The following CAMK2G variants were observed in gnomAD, a reference collection of about 807,000 sequenced individuals.
The protein encoded by CAMK2G is calcium/calmodulin-dependent protein kinase type II subunit gamma.
CAMK2G carries 23 observed loss-of-function variants against 88.7 expected under a neutral mutation model. That is an observed-to-expected ratio of 0.26 (90% CI 0.19 to 0.37). The LOEUF (loss-of-function observed/expected upper bound fraction) is 0.37, where lower values mean the gene tolerates loss of function less well. Ranked by LOEUF, CAMK2G falls within the 10% of genes least tolerant of loss-of-function variation. The pLI is 1.00. For synonymous variants in CAMK2G, 263 were observed against 294.8 expected (o/e 0.89, Z 1.11); for missense variants, 476 against 780.8 (o/e 0.61, Z 4.65).
chr10:73,823,582 T>C (rs868404870), intron 17 of CAMK2G, among the ~76,000 whole-genome samples: 1 of 152,270 alleles, frequency 6.6e-6, no homozygotes, highest in South Asian at 2.1e-4. Context: ...GAACAGATAA[T>C]TTGTCTTGTC....
At chr10:73,819,464 G>C in intron 19 of CAMK2G, 68 bp downstream of exon 19, 1 of 1,093,458 alleles carries the variant, frequency 9.1e-7, no homozygotes, top group South Asian at 1.3e-5. Context: ...AGCTGTGGTG[G>C]GGGTCCCTGA....
At chr10:73,825,220 G>C in intron 16 of CAMK2G, 59 bp downstream of exon 16, 2 of 1,196,994 alleles carry the variant, frequency 1.7e-6, no homozygotes, top group Non-Finnish European at 2.5e-6. Flanking sequence ...AGAGGAGGAA[G>C]AGGGAAGGGG....
chr10:73,816,986 G>A, intron 21 of CAMK2G, 37 bp downstream of exon 21: 1 of 1,613,896 alleles, frequency 6.2e-7, no homozygotes, highest in Non-Finnish European at 8.5e-7. Flanking sequence ...GGGTAAAGGG[G>A]CAGGCAGGAG....
chr10:73,816,965 C>T (rs1565149479), intron 21 of CAMK2G, 58 bp downstream of exon 21: 1 of 1,613,784 alleles, frequency 6.2e-7, no homozygotes, highest in Non-Finnish European at 8.5e-7. Context: ...GAGCAGGAGA[C>T]AGAGACAAAG....
chr10:73,815,863 C>T, intron 21 of CAMK2G: 3 of 985,462 alleles, frequency 3.0e-6, no homozygotes, highest in African/African-American at 1.7e-5. Context: ...CCATTATCAG[C>T]ATATGCTGTG....
intron 21 of CAMK2G, 43 bp from the exon 22 acceptor site, chr10:73,815,290 G>T: frequency 7.6e-7 from 1 of 1,314,644 alleles, no homozygotes; most frequent in Non-Finnish European, 1.1e-6. Context: ...TCAGGCCTGG[G>T]CACCTGCATT....
chr10:73,871,610 GCCCCTGTTGTCCCC>G (rs1336874492), intron 2 of CAMK2G, among the ~76,000 whole-genome samples: 2 of 152,100 alleles, frequency 1.3e-5, no homozygotes, highest in Non-Finnish European at 2.9e-5. Flanking sequence ...AGAGAGCCCA[GCCCCTGTTGTCCCC>G]CCCACCCCCA....
chr10:73,871,064 T>A (rs2095810967), intron 2 of CAMK2G, among the ~76,000 whole-genome samples: 1 of 151,840 alleles, frequency 6.6e-6, no homozygotes, highest in Non-Finnish European at 1.5e-5. Context: ...ACCTGGCACA[T>A]GAGGCCACAC....
Position 73,848,737 on chromosome 10 carries a change from C to T in CAMK2G, c.518-128G>A, listed in dbSNP as rs539022939. On this transcript the variant is annotated intron_variant, in intron 7 of 22. Coordinates refer to ENST00000423381, the MANE Select transcript of CAMK2G (RefSeq NM_001367534.1). This position sits in a 1 kb window ranked among gnomAD's most constrained non-coding sequence, Gnocchi z 4.5. The stretch of plus-strand genomic sequence containing the variant: ...GCTACATAAACTCTCAGCACATGGG[C>T]AGCAAGAGCTGACAGGCTGGGCTTC... 69 of 659,488 alleles carry T rather than the reference C, an allele frequency of 1.0e-4. No individual in the cohort carries two copies. In the South Asian group the frequency reaches 1.2e-3, roughly 12 times the overall value. 40.9% of individuals were successfully genotyped at this position (659,488 alleles called of 1,614,324 possible).
At chr10:73,862,005 C>T (rs1370895453) in intron 2 of CAMK2G, among the ~76,000 whole-genome samples, 1 of 152,170 alleles carries the variant, frequency 6.6e-6, no homozygotes, top group Non-Finnish European at 1.5e-5. Context: ...GCCACCATGG[C>T]TGTAAGCTTT....
intron 17 of CAMK2G, among the ~76,000 whole-genome samples, chr10:73,823,293 G>A (rs2089724975): frequency 6.6e-6 from 1 of 151,980 alleles, no homozygotes; most frequent in South Asian, 2.1e-4. Flanking sequence ...TCAGCTCACT[G>A]CAACCTCCAC....
chr10:73,845,532 G>A (rs968713237), intron 10 of CAMK2G, among the ~76,000 whole-genome samples: 4 of 150,050 alleles, frequency 2.7e-5, no homozygotes, highest in South Asian at 2.1e-4. Flanking sequence ...CAGTGAGACC[G>A]CGCCACTGCA....
intron 10 of CAMK2G, among the ~76,000 whole-genome samples, chr10:73,843,752 C>T (rs537127017): frequency 6.6e-6 from 1 of 152,258 alleles, no homozygotes; most frequent in African/African-American, 2.4e-5. Flanking sequence ...TTTCCAGGTC[C>T]GGAGGCAACT....
At chr10:73,863,826 T>TTA (rs1312070510) in intron 2 of CAMK2G, among the ~76,000 whole-genome samples, 1 of 152,314 alleles carries the variant, frequency 6.6e-6, no homozygotes, top group African/African-American at 2.4e-5. Flanking sequence ...TGTTAGCCTC[T>TTA]TAGTTCAGCC....
chr10:73,836,580 A>AGAGGAGGGAGT (rs2093253461), intron 14 of CAMK2G, among the ~76,000 whole-genome samples: 1 of 152,128 alleles, frequency 6.6e-6, no homozygotes, highest in Non-Finnish European at 1.5e-5. Context: ...AATGAGGGAA[A>AGAGGAGGGAGT]GAGGAGGGAG....
At position 73,825,168 on chromosome 10, in the gene CAMK2G, G is replaced by T; in HGVS notation, c.1155+111C>A. 8 of 804,896 alleles carry T rather than the reference G, an allele frequency of 9.9e-6. No homozygotes were observed. The South Asian group carries it at 1.1e-4, about 11-fold the overall frequency. 49.9% of individuals were successfully genotyped at this position (804,896 alleles called of 1,614,324 possible). Reference sequence around the variant, plus strand: ...CACACAAAGCAGTCAGTTCTATGGGGACCAAGAAAGGAACAGGCCAGGAGG... The same window carrying T: ...CACACAAAGCAGTCAGTTCTATGGGTACCAAGAAAGGAACAGGCCAGGAGG... On this transcript the variant is annotated intron_variant, in intron 16 of 22. Transcript: ENST00000423381.
intron 2 of CAMK2G, among the ~76,000 whole-genome samples, chr10:73,861,293 T>A (rs1240126947): frequency 6.6e-6 from 1 of 152,242 alleles, no homozygotes; most frequent in African/African-American, 2.4e-5. Context: ...AATCCAGGTA[T>A]TCAACTAAAA....
chr10:73,822,048 A>G (rs569756546), intron 17 of CAMK2G, among the ~76,000 whole-genome samples: 2 of 152,258 alleles, frequency 1.3e-5, no homozygotes, highest in African/African-American at 4.8e-5. Context: ...AGTAAACCCC[A>G]TGTCTTACCT....
chr10:73,842,336 C>A lies in CAMK2G; in HGVS notation c.903+122G>T. On this transcript the variant is annotated intron_variant, in intron 11 of 22. Transcript: ENST00000423381. This position sits in a 1 kb window ranked among gnomAD's most constrained non-coding sequence, Gnocchi z 4.6. The stretch of plus-strand genomic sequence containing the variant: ...GGCCTCTGGGCCCCCTCCCCTGTGA[C>A]ATGTACAACCTTCAGAGCCCAGCTC... 8.8e-7 allele frequency: 1 copy of A among 1,139,532 alleles called. No individual in the cohort carries two copies. The highest frequency in any genetic ancestry group is 1.3e-6 in the Non-Finnish European group (1 of 749,582). The allele number at this position is 1,139,532 out of a possible 1,614,324, so 70.6% of individuals were successfully genotyped here. A position where few individuals can be genotyped will look rare whatever the true frequency, so the allele number is the denominator to read the frequency against.
Sources: allele counts gnomAD v4.1 joint callset (sites outside exome capture counted in the v4.1 genomes callset), GRCh38; gene constraint gnomAD v4.1.1; non-coding constraint Gnocchi (gnomAD v3.1); transcripts MANE v1.5; gene names NCBI Gene and HGNC (gene_info 2026-07-23, HGNC 2026-07-21).